The following CFHR5 variants were observed in gnomAD, a reference collection of about 807,000 sequenced individuals.
CFHR5 encodes the protein complement factor H-related protein 5.
Under a neutral mutation model 62.9 loss-of-function variants are expected in CFHR5, and 73 were observed. The observed-to-expected ratio is 1.16, with a 90% CI of 0.96 to 1.41. The LOEUF (loss-of-function observed/expected upper bound fraction) is 1.41, where lower values mean the gene tolerates loss of function less well. Among genes scored for constraint, CFHR5 ranks in the 40% most tolerant of loss-of-function variants. CFHR5 has a pLI of 0.00. For missense variants in CFHR5, 779 were observed against 679.9 expected (o/e 1.15, Z -1.62); for synonymous variants, 249 against 227.2 (o/e 1.10, Z -0.86).
intron 3 of CFHR5, among the ~76,000 whole-genome samples, chr1:196,987,849 C>A (rs1423615204): frequency 6.6e-6 from 1 of 152,156 alleles, no homozygotes; most frequent in Non-Finnish European, 1.5e-5. Context: ...CTTGGCAATG[C>A]AGCCCCTTTT....
intron 1 of CFHR5, among the ~76,000 whole-genome samples, chr1:196,982,421 C>A (rs752150785): frequency 2.0e-5 from 3 of 152,102 alleles, no homozygotes; most frequent in Non-Finnish European, 2.9e-5. Context: ...CCTGTAATCC[C>A]GGCAGTTTGG....
intron 3 of CFHR5, among the ~76,000 whole-genome samples, chr1:196,991,050 G>C (rs1204214722): frequency 6.6e-6 from 1 of 151,868 alleles, no homozygotes. Flanking sequence ...TTTCTCGGAG[G>C]CTTTGTTCAT....
intron 3 of CFHR5, among the ~76,000 whole-genome samples, chr1:196,993,589 G>A (rs1332105506): frequency 6.6e-6 from 1 of 152,044 alleles, no homozygotes; most frequent in Non-Finnish European, 1.5e-5. Context: ...GACCCACCAT[G>A]TCAGGCCCAC....
rs1215448610 is a variant in CFHR5, at chr1:197,009,340, C to T, written c.*657C>T. ...AACCACAGGAGAAACTCAAATTGTT[C>T]CTGGGCAAATCACAACATGGGGAAT... On this transcript the variant is annotated 3_prime_UTR_variant, in exon 10 of 10. Coordinates refer to ENST00000256785, the MANE Select transcript of CFHR5 (RefSeq NM_030787.4). 1 of 152,154 alleles carries T rather than the reference C, an allele frequency of 6.6e-6. No homozygotes were observed. Among genetic ancestry groups the T allele is most frequent in the Non-Finnish European group, 1.5e-5 (1 of 68,028 alleles). 9.4% of individuals were successfully genotyped at this position (152,154 alleles called of 1,614,324 possible).
chr1:196,992,804 T>G (rs963854534), intron 3 of CFHR5, among the ~76,000 whole-genome samples: 5 of 152,208 alleles, frequency 3.3e-5, no homozygotes, highest in Admixed American at 1.3e-4. Context: ...TTTTAGTGAA[T>G]TAAGACACAT....
At chr1:197,002,700 A>G (rs758193411) in intron 8 of CFHR5, 36 bp downstream of exon 8, 17 of 1,535,400 alleles carry the variant, frequency 1.1e-5, no homozygotes, top group Non-Finnish European at 1.5e-5. Context: ...TCACTTAAAA[A>G]GAGGTTATTA....
At chr1:197,006,537 C>G (rs951342357) in intron 9 of CFHR5, among the ~76,000 whole-genome samples, 1 of 151,700 alleles carries the variant, frequency 6.6e-6, no homozygotes, top group Admixed American at 6.6e-5. Flanking sequence ...TATGGAGAAA[C>G]CCCATCTCTA....
intron 8 of CFHR5, among the ~76,000 whole-genome samples, chr1:197,003,402 C>T (rs770650965): frequency 1.3e-5 from 2 of 152,040 alleles, no homozygotes; most frequent in Non-Finnish European, 2.9e-5. Context: ...GTGTAGTAGG[C>T]AACATTATCT....
In CFHR5 at chr1:197,002,625, T is replaced by A; in HGVS notation, c.1291T>A (p.Cys431Ser). The A allele has an allele frequency of 6.2e-7, 1 of 1,613,630 alleles. No individual in the cohort carries two copies. Among genetic ancestry groups the A allele is most frequent in the Non-Finnish European group, 8.5e-7 (1 of 1,179,714 alleles). The change falls in exon 8 of 10, where the codon TGT becomes AGT. Residue 431 changes from cysteine (C) to serine (S), a missense_variant. By Grantham distance (112) the Cys-to-Ser change is moderately radical. Transcript: ENST00000256785. ...YLLPEAKEIV[C>S]KDGRWQSLPR... is the part of the protein sequence containing the mutation. ...ACTTCCAGAAGCAAAAGAAATTGTA[T>A]GTAAAGATGGACGATGGCAATCATT...
intron 6 of CFHR5, among the ~76,000 whole-genome samples, chr1:196,996,584 T>C (rs1653995874): frequency 1.3e-5 from 2 of 152,212 alleles, no homozygotes; most frequent in South Asian, 2.1e-4. Flanking sequence ...TGGGATATTG[T>C]ATTTCTACAA....
upstream of CFHR5, among the ~76,000 whole-genome samples, chr1:196,977,156 A>G (rs1653416159): frequency 6.6e-6 from 1 of 151,928 alleles, no homozygotes; most frequent in Non-Finnish European, 1.5e-5. Flanking sequence ...AAATATTAAA[A>G]CTGTTAAGAA....
chr1:197,002,996 A>C (rs1007148980), intron 8 of CFHR5, among the ~76,000 whole-genome samples: 6 of 152,162 alleles, frequency 3.9e-5, no homozygotes, highest in Admixed American at 3.9e-4. Context: ...GTATGGTAGC[A>C]TGCTGTACAG....
chr1:196,977,518 G>A, upstream of CFHR5: 1 of 741,674 alleles, frequency 1.3e-6, no homozygotes, highest in South Asian at 1.4e-5. Context: ...GAACTTTGAT[G>A]TTTTCCACAA....
At chr1:196,992,711 A>T (rs892688985) in intron 3 of CFHR5, among the ~76,000 whole-genome samples, 6 of 152,168 alleles carry the variant, frequency 3.9e-5, no homozygotes, top group African/African-American at 7.2e-5. Context: ...ACAATTAGTT[A>T]AAAAAAGACT....
intron 4 of CFHR5, 117 bp from the exon 5 acceptor site, chr1:196,995,600 C>A: frequency 1.2e-6 from 1 of 833,090 alleles, no homozygotes; most frequent in Non-Finnish European, 2.0e-6. Flanking sequence ...ACACATGTCC[C>A]CAAAAATAGA....
chr1:196,996,951 C>A (rs1293692307), intron 6 of CFHR5, among the ~76,000 whole-genome samples: 1 of 152,012 alleles, frequency 6.6e-6, no homozygotes, highest in East Asian at 1.9e-4. Flanking sequence ...GACTTCCAGC[C>A]TTGACACTTA....
At chr1:197,007,937 T>C (rs1654334346) in intron 9 of CFHR5, among the ~76,000 whole-genome samples, 1 of 147,450 alleles carries the variant, frequency 6.8e-6, no homozygotes, top group African/African-American at 2.5e-5. Context: ...AACATACATA[T>C]AAATGTATGT....
intron 6 of CFHR5, among the ~76,000 whole-genome samples, 178 bp from the exon 7 acceptor site, chr1:196,997,950 G>T (rs1191027286): frequency 6.6e-6 from 1 of 151,916 alleles, no homozygotes; most frequent in Admixed American, 6.6e-5. Flanking sequence ...TTCAAAGATG[G>T]GATACAGTTT....
intron 8 of CFHR5, 56 bp downstream of exon 8, chr1:197,002,720 G>T (rs1278406639): frequency 7.2e-7 from 1 of 1,396,150 alleles, no homozygotes; most frequent in Non-Finnish European, 1.0e-6. Flanking sequence ...AATCCCCTTT[G>T]CTTTATCTAA....
Sources: gnomAD v4.1 joint callset for allele counts (sites outside exome capture counted in the v4.1 genomes callset) on GRCh38, gnomAD v4.1.1 for gene constraint, MANE v1.5 for transcripts, NCBI Gene and HGNC (gene_info 2026-07-23, HGNC 2026-07-21) for gene names.